STX18: variants seen among roughly 807,000 people sequenced by gnomAD.
STX18 encodes the protein syntaxin 18, also known as syntaxin-18.
Under a neutral mutation model 50.1 loss-of-function variants are expected in STX18, and 40 were observed. The ratio of observed to expected loss-of-function variants is 0.80; its 90% confidence interval spans 0.62 to 1.04. The LOEUF (loss-of-function observed/expected upper bound fraction) is 1.04. Ranked by LOEUF, STX18 falls within the 50% of genes least tolerant of loss-of-function variation. STX18 has a pLI of 0.00. For missense variants in STX18, 410 were observed against 415.8 expected, an observed-to-expected ratio of 0.99 and a Z score of 0.12; for synonymous variants, 158 against 151.8, an observed-to-expected ratio of 1.04 and a Z score of -0.30.
chr4:4,429,798 G>A (rs1450591817), intron 7 of STX18, among the ~76,000 whole-genome samples: 1 of 152,174 alleles, frequency 6.6e-6, no homozygotes, highest in Non-Finnish European at 1.5e-5. Flanking sequence ...CCTTGTTCTA[G>A]ATGCATGAGC....
chr4:4,499,445 G>C, intron 1 of STX18: 1 of 969,550 alleles, frequency 1.0e-6, no homozygotes, highest in Non-Finnish European at 1.2e-6. Flanking sequence ...ACTGTGCTCT[G>C]GAAAAACTTA....
intron 1 of STX18, among the ~76,000 whole-genome samples, chr4:4,520,081 T>C (rs1490373739): frequency 3.3e-5 from 5 of 152,172 alleles, no homozygotes; most frequent in South Asian, 2.1e-4. Flanking sequence ...CAGTAAAACA[T>C]TGGAAGAGAA....
At position 4,541,839 on chromosome 4, in the gene STX18, G is replaced by A. The variant is rs752476000; in HGVS notation, c.126C>T (p.Ser42=). The A allele has an allele frequency of 1.9e-6, 3 of 1,611,156 alleles. No homozygotes were observed. In the South Asian group the frequency reaches 3.3e-5, roughly 18 times the overall value. The change falls in exon 1 of 11, where the codon AGC becomes AGT. Residue 42 remains serine (S), a synonymous_variant. Transcript: ENST00000306200. ...DGSRDELFRR[S]PRPKGDFSSR... ...TGGAGAAGTCGCCCTTGGGCCGGGGGCTCCGGCGGAACAGCTCGTCCCGGC... is the reference window on the plus strand; with the variant it reads ...TGGAGAAGTCGCCCTTGGGCCGGGGACTCCGGCGGAACAGCTCGTCCCGGC...
chr4:4,484,123 A>G (rs544943400), intron 1 of STX18, among the ~76,000 whole-genome samples: 144 of 152,094 alleles, frequency 9.5e-4, no homozygotes, highest in African/African-American at 3.1e-3. Flanking sequence ...TGGCCTCCCA[A>G]AGTGCTGGGA....
Position 4,419,858 on chromosome 4 carries a change from C to T in STX18, c.*176G>A. 2 of 598,136 alleles carry T rather than the reference C, an allele frequency of 3.3e-6. No homozygotes were observed. The highest frequency in any genetic ancestry group is 1.9e-5 in the African/African-American group (1 of 53,764). The allele number at this position is 598,136 out of a possible 1,614,324, so 37.1% of individuals were successfully genotyped here. On this transcript the variant is annotated 3_prime_UTR_variant, in exon 11 of 11. Transcript: ENST00000306200. ...TTTTCAGCTGCTAAATGGCTGAACACCATCGGCCTGGGGTATCCCTTTTTG... is the reference window on the plus strand; with the variant it reads ...TTTTCAGCTGCTAAATGGCTGAACATCATCGGCCTGGGGTATCCCTTTTTG...
chr4:4,498,815 G>A (rs1026667732), intron 1 of STX18, among the ~76,000 whole-genome samples: 2 of 152,082 alleles, frequency 1.3e-5, no homozygotes, highest in African/African-American at 4.8e-5. Flanking sequence ...AGAAAGATGT[G>A]GACAACGAAA....
chr4:4,471,881 A>G (rs1727939570), intron 1 of STX18, among the ~76,000 whole-genome samples, 175 bp from the exon 2 acceptor site: 1 of 152,224 alleles, frequency 6.6e-6, no homozygotes, highest in African/African-American at 2.4e-5. Context: ...CCTGGGCCTC[A>G]GTCTCTCATC....
At chr4:4,464,855 G>C (rs1727544414) in intron 2 of STX18, among the ~76,000 whole-genome samples, 1 of 149,492 alleles carries the variant, frequency 6.7e-6, no homozygotes, top group Non-Finnish European at 1.5e-5. Flanking sequence ...CAAAAACCTG[G>C]ATTTTTCCAA....
intron 1 of STX18, among the ~76,000 whole-genome samples, chr4:4,481,437 T>C (rs1326867248): frequency 4.6e-5 from 7 of 152,202 alleles, no homozygotes; most frequent in African/African-American, 1.7e-4. Context: ...CTCTGGCATA[T>C]TGTAAAAAGG....
chr4:4,519,772 T>C (rs965880022), intron 1 of STX18, among the ~76,000 whole-genome samples: 4 of 152,162 alleles, frequency 2.6e-5, no homozygotes, highest in Non-Finnish European at 5.9e-5. Context: ...AAAATTGAAA[T>C]ACTAAAACCA....
chr4:4,456,969 G>A (rs1283674633), intron 5 of STX18, among the ~76,000 whole-genome samples: 1 of 152,204 alleles, frequency 6.6e-6, no homozygotes, highest in Non-Finnish European at 1.5e-5. Context: ...TTTGTAAAAT[G>A]AGGGAGGAAA....
intron 1 of STX18, among the ~76,000 whole-genome samples, chr4:4,478,225 A>C (rs1316976297): frequency 8.6e-6 from 1 of 115,758 alleles, no homozygotes; most frequent in Non-Finnish European, 1.8e-5. Flanking sequence ...AAAGATCGGC[A>C]AAAAAAAAAA....
chr4:4,513,055 G>C (rs140301445), intron 1 of STX18, among the ~76,000 whole-genome samples: 19 of 152,010 alleles, frequency 1.2e-4, no homozygotes, highest in African/African-American at 4.6e-4. Context: ...CGGACATAAG[G>C]GTATTCAATT....
intron 7 of STX18, among the ~76,000 whole-genome samples, chr4:4,427,498 CT>C (rs1725307765): frequency 6.6e-6 from 1 of 152,268 alleles, no homozygotes. Flanking sequence ...CGCCAATTCA[CT>C]TTGGCTAATT....
chr4:4,444,673 G>A (rs1234959811), intron 5 of STX18, among the ~76,000 whole-genome samples: 1 of 152,162 alleles, frequency 6.6e-6, no homozygotes, highest in Non-Finnish European at 1.5e-5. Flanking sequence ...CTGTAACTAT[G>A]AGTATAATAG....
chr4:4,518,888 CAAAAG>C (rs546544822), intron 1 of STX18, among the ~76,000 whole-genome samples: 1 of 152,068 alleles, frequency 6.6e-6, no homozygotes, highest in Non-Finnish European at 1.5e-5. Flanking sequence ...CTATAAGAAA[CAAAAG>C]AAAGCCTGGA....
intron 2 of STX18, among the ~76,000 whole-genome samples, chr4:4,461,562 T>C (rs1271805923): frequency 6.6e-6 from 1 of 152,250 alleles, no homozygotes; most frequent in Non-Finnish European, 1.5e-5. Context: ...ACACATATTC[T>C]TTCAATTCCA....
intron 1 of STX18, among the ~76,000 whole-genome samples, chr4:4,502,575 GA>G (rs902960947): frequency 6.6e-6 from 1 of 150,970 alleles, no homozygotes; most frequent in Non-Finnish European, 1.5e-5. Context: ...CATTATCAGT[GA>G]AAAAAAAATA....
chr4:4,471,610 A>G (rs1727922826), intron 2 of STX18, 29 bp downstream of exon 2: 3 of 1,474,330 alleles, frequency 2.0e-6, no homozygotes, highest in Non-Finnish European at 1.8e-6. Context: ...CACAGTCACC[A>G]AAGTCCTGGT....
Sources: gnomAD v4.1 joint callset for allele counts (sites outside exome capture counted in the v4.1 genomes callset) on GRCh38, gnomAD v4.1.1 for gene constraint, MANE v1.5 for transcripts, NCBI Gene and HGNC (gene_info 2026-07-23, HGNC 2026-07-21) for gene names.